The following DTNBP1 variants were observed in gnomAD, a reference collection of about 807,000 sequenced individuals.
DTNBP1 encodes the protein dysbindin.
DTNBP1 carries 35 observed loss-of-function variants against 42.8 expected under a neutral mutation model. The ratio of observed to expected loss-of-function variants is 0.82; its 90% confidence interval spans 0.63 to 1.09. The LOEUF is 1.09. Ranked by LOEUF, DTNBP1 falls within the 50% of genes least tolerant of loss-of-function variation. DTNBP1 has a pLI of 0.00. For synonymous variants in DTNBP1, 171 were observed against 162.2 expected, an observed-to-expected ratio of 1.05 and a Z score of -0.41; for missense variants, 457 against 424.2, an observed-to-expected ratio of 1.08 and a Z score of -0.68.
intron 1 of DTNBP1, chr6:15,660,509 A>C (rs1424274924): frequency 7.8e-7 from 1 of 1,289,792 alleles, no homozygotes; most frequent in Non-Finnish European, 1.0e-6. Flanking sequence ...GTGGTTTGTC[A>C]GCTGAAAGTG....
At chr6:15,582,055 A>G (rs1267086867) in intron 7 of DTNBP1, among the ~76,000 whole-genome samples, 1 of 152,136 alleles carries the variant, frequency 6.6e-6, no homozygotes, top group African/African-American at 2.4e-5. Context: ...AGCATTACAC[A>G]GCAAGACCAG....
intron 9 of DTNBP1, 30 bp downstream of exon 9, chr6:15,524,496 G>A (rs746371623): frequency 3.4e-5 from 55 of 1,610,366 alleles, no homozygotes; most frequent in South Asian, 2.1e-4. Context: ...TACTGCCCTG[G>A]TTCAGCTAAT....
At chr6:15,538,380 A>G (rs963252345) in intron 7 of DTNBP1, among the ~76,000 whole-genome samples, 22 of 152,154 alleles carry the variant, frequency 1.4e-4, no homozygotes, top group Non-Finnish European at 5.9e-5. Flanking sequence ...CCATCCCACA[A>G]TCACTAGGTG....
At chr6:15,590,854 T>C (rs1021240694) in intron 7 of DTNBP1, among the ~76,000 whole-genome samples, 1 of 152,330 alleles carries the variant, frequency 6.6e-6, no homozygotes. Flanking sequence ...TTACTAACTT[T>C]GAGGGTTACT....
In DTNBP1 at chr6:15,615,373, C is replaced by A. The variant is rs1331137287; in HGVS notation, c.382G>T (p.Val128Leu). 3.1e-6 allele frequency: 5 copies of A among 1,613,952 alleles called. No individual in the cohort carries two copies. Among genetic ancestry groups the A allele is most frequent in the African/African-American group, 1.3e-5 (1 of 74,912 alleles). ...LTHLEASFEE[V>L]ENNLLHLEDL... Reference sequence around the variant, plus strand: ...TCCAGATGCAGCAGGTTGTTCTCTACCTCCTCAAAACTCGCCTCTAAATGA... The same window carrying A: ...TCCAGATGCAGCAGGTTGTTCTCTAACTCCTCAAAACTCGCCTCTAAATGA... Residue 128 changes from valine (V) to leucine (L), a missense_variant, in exon 6 of 10, where the codon GTA becomes TTA. Val to Leu is a conservative substitution (Grantham distance 32). Coordinates refer to ENST00000344537, the MANE Select transcript of DTNBP1 (RefSeq NM_032122.5).
rs1759407629 is a variant in DTNBP1, at chr6:15,627,363, T to TAAAG, written c.334_335insCTTT (p.Glu112AlafsTer16). ...CTTACTCAGATTTGCTGTCATGGATTCTAAGTCTGCGATTAAAGCTGGGAG... is the reference window on the plus strand; with the variant it reads ...CTTACTCAGATTTGCTGTCATGGATTAAAGCTAAGTCTGCGATTAAAGCTGGGAG... On this transcript the variant is annotated frameshift_variant, in exon 5 of 10. Transcript: ENST00000344537. LOFTEE classifies it high-confidence loss of function. 6.2e-7 allele frequency: 1 copy of TAAAG among 1,613,668 alleles called. No individual in the cohort carries two copies. Among genetic ancestry groups the TAAAG allele is most frequent in the African/African-American group, 1.3e-5 (1 of 74,896 alleles).
intron 8 of DTNBP1, among the ~76,000 whole-genome samples, chr6:15,526,915 G>A (rs1284187512): frequency 2.0e-5 from 3 of 152,164 alleles, no homozygotes; most frequent in Non-Finnish European, 4.4e-5. Context: ...GTGATCACAG[G>A]AAATGTCAAT....
intron 7 of DTNBP1, 198 bp from the exon 8 acceptor site, chr6:15,533,593 C>G: frequency 1.2e-6 from 1 of 859,034 alleles, no homozygotes; most frequent in Non-Finnish European, 1.9e-6. Context: ...CCTGGGCGGT[C>G]AGGGTCAGGC....
chr6:15,553,594 C>CTT lies in DTNBP1; in HGVS notation c.512-20201_512-20200dup, dbSNP rs56173414. On this transcript the variant is annotated intron_variant, in intron 7 of 9. Coordinates refer to ENST00000344537, the MANE Select transcript of DTNBP1 (RefSeq NM_032122.5). Reference sequence around the variant, plus strand: ...CAGTTCAATGCTCTTGACAAGTGAGCTTTTTTTTTTTTGGCCTCAGACAGC... The same window carrying CTT: ...CAGTTCAATGCTCTTGACAAGTGAGCTTTTTTTTTTTTTTGGCCTCAGACAGC... 8.8e-4 allele frequency among the ~76,000 whole-genome samples: 64 copies of CTT among 72,974 alleles called. 9 individuals carry two copies. In the South Asian group the frequency reaches 0.021, roughly 24 times the overall value. 47.9% of individuals were successfully genotyped at this position (72,974 alleles called of 152,430 possible).
intron 6 of DTNBP1, among the ~76,000 whole-genome samples, chr6:15,609,487 T>G (rs1248655506): frequency 2.0e-5 from 3 of 152,038 alleles, no homozygotes; most frequent in African/African-American, 7.2e-5. Flanking sequence ...GCCCAGCTAT[T>G]TTTTTGTATT....
chr6:15,645,022 C>T (rs1233258391), intron 3 of DTNBP1, among the ~76,000 whole-genome samples: 1 of 151,602 alleles, frequency 6.6e-6, no homozygotes, highest in African/African-American at 2.4e-5. Context: ...ACAAGATTGA[C>T]AGACTGCTGG....
chr6:15,601,909 C>A (rs1776746931), intron 6 of DTNBP1, among the ~76,000 whole-genome samples: 1 of 150,430 alleles, frequency 6.6e-6, no homozygotes. Context: ...ATGAAACTTC[C>A]AGAGAGGAAG....
At chr6:15,544,404 C>T (rs1773755259) in intron 7 of DTNBP1, among the ~76,000 whole-genome samples, 1 of 152,184 alleles carries the variant, frequency 6.6e-6, no homozygotes, top group African/African-American at 2.4e-5. Context: ...AAAATAAGTA[C>T]TTTCTCTTGC....
At chr6:15,561,987 A>G (rs566690093) in intron 7 of DTNBP1, among the ~76,000 whole-genome samples, 9 of 152,252 alleles carry the variant, frequency 5.9e-5, no homozygotes, top group Non-Finnish European at 1.0e-4. Context: ...GACTATGTTC[A>G]GAAGTTACTC....
At chr6:15,643,039 A>C (rs1225737574) in intron 3 of DTNBP1, among the ~76,000 whole-genome samples, 2 of 152,262 alleles carry the variant, frequency 1.3e-5, no homozygotes, top group South Asian at 2.1e-4. Context: ...ATCCAGGAAA[A>C]AAGTTGAAAT....
Position 15,523,236 on chromosome 6 carries a change from G to A in DTNBP1, c.812-17C>T, listed in dbSNP as rs2127784582. 2.5e-6 allele frequency: 4 copies of A among 1,613,806 alleles called. No individual in the cohort carries two copies. Among genetic ancestry groups the A allele is most frequent in the Non-Finnish European group, 2.5e-6 (3 of 1,179,914 alleles). ...ATTCAGGCCCTGCAAAATAACGTAGGGAAGAAAAAGCCCTGTCATAAAAAT... is the reference window on the plus strand; with the variant it reads ...ATTCAGGCCCTGCAAAATAACGTAGAGAAGAAAAAGCCCTGTCATAAAAAT... On this transcript the variant is annotated splice_polypyrimidine_tract_variant and intron_variant, in intron 9 of 9. Coordinates refer to ENST00000344537, the MANE Select transcript of DTNBP1 (RefSeq NM_032122.5).
intron 7 of DTNBP1, chr6:15,585,821 T>C (rs750523947): frequency 4.0e-6 from 6 of 1,507,908 alleles, no homozygotes; most frequent in Non-Finnish European, 5.3e-6. Flanking sequence ...AGCCTCCAGT[T>C]ACCAGGCAGC....
intron 7 of DTNBP1, among the ~76,000 whole-genome samples, chr6:15,559,817 C>T (rs546989351): frequency 2.2e-4 from 33 of 152,266 alleles, no homozygotes; most frequent in Non-Finnish European, 1.0e-4. Flanking sequence ...TTCACTTGAC[C>T]TCTCGCCAAC....
At chr6:15,593,764 T>G (rs1776392557) in intron 6 of DTNBP1, among the ~76,000 whole-genome samples, 1 of 152,238 alleles carries the variant, frequency 6.6e-6, no homozygotes, top group African/African-American at 2.4e-5. Flanking sequence ...CCCTCACAAT[T>G]TTGCAGTTAC....
Sources: gnomAD v4.1 joint callset for allele counts (sites outside exome capture counted in the v4.1 genomes callset) on GRCh38, gnomAD v4.1.1 for gene constraint, MANE v1.5 for transcripts, NCBI Gene and HGNC (gene_info 2026-07-23, HGNC 2026-07-21) for gene names.